NFKB1: variants seen among roughly 807,000 people sequenced by gnomAD.
NFKB1 encodes nuclear factor NF-kappa-B p105 subunit.
Under a neutral mutation model 105.1 loss-of-function variants are expected in NFKB1, and 9 were observed. That is an observed-to-expected ratio of 0.09 (90% CI 0.05 to 0.15). The LOEUF is 0.15. Among genes scored for constraint, NFKB1 ranks in the 10% least tolerant of loss-of-function variants. NFKB1 has a pLI of 1.00. For synonymous variants in NFKB1, 440 were observed against 442.2 expected (o/e 1.00, Z 0.06); for missense variants, 830 against 1,203.7 (o/e 0.69, Z 4.59).
chr4:102,612,016 C>T (rs370060038), intron 20 of NFKB1, 28 bp from the exon 21 acceptor site: 520 of 1,595,224 alleles, frequency 3.3e-4, no homozygotes, highest in Non-Finnish European at 4.1e-4. Flanking sequence ...CGATGTATAA[C>T]GATTTCTGGT....
chr4:102,577,710 T>A (rs1380392503), intron 7 of NFKB1: 1 of 432,594 alleles, frequency 2.3e-6, no homozygotes. Flanking sequence ...TACTCCATCT[T>A]CTGATACCCA....
chr4:102,606,544 G>T lies in NFKB1; in HGVS notation c.1801G>T (p.Asp601Tyr). The change falls in exon 17 of 24, where the codon GAT becomes TAT. Residue 601 changes from aspartate (D) to tyrosine (Y), a missense_variant. Coordinates refer to ENST00000226574, the MANE Select transcript of NFKB1 (RefSeq NM_003998.4). ...CACTAAGCAGGAAGATGTGGTGGAG[G>T]ATTTGCTGAGGGCTGGGGCCGACCT... is the stretch of plus-strand genomic sequence containing the variant. ...VITKQEDVVEDLLRAGADLSL... is the reference protein window; with the variant it reads ...VITKQEDVVEYLLRAGADLSL... The T allele has an allele frequency of 6.2e-7, 1 of 1,614,178 alleles. No homozygotes were observed. Among genetic ancestry groups the T allele is most frequent in the Non-Finnish European group, 8.5e-7 (1 of 1,180,032 alleles).
intron 7 of NFKB1, 167 bp from the exon 8 acceptor site, chr4:102,578,714 G>A (rs1725068125): frequency 1.7e-6 from 1 of 601,640 alleles, no homozygotes. Flanking sequence ...CATATTGGAT[G>A]ACATAAATGA....
chr4:102,598,465 T>G (rs1479179641), intron 15 of NFKB1, among the ~76,000 whole-genome samples: 1 of 152,168 alleles, frequency 6.6e-6, no homozygotes, highest in African/African-American at 2.4e-5. Context: ...TGTTTTAGAC[T>G]TCAGTTTAAA....
chr4:102,531,953 T>G (rs896218498), intron 3 of NFKB1, among the ~76,000 whole-genome samples: 10 of 152,234 alleles, frequency 6.6e-5, no homozygotes, highest in Admixed American at 1.3e-4. Flanking sequence ...TTCACCATTT[T>G]AACAGGGAAT....
chr4:102,582,161 G>A (rs1242800314), intron 9 of NFKB1, among the ~76,000 whole-genome samples: 1 of 152,084 alleles, frequency 6.6e-6, no homozygotes, highest in Non-Finnish European at 1.5e-5. Context: ...TTAATTAGAA[G>A]GGACCTGATT....
At chr4:102,580,725 C>T in intron 9 of NFKB1, 86 bp downstream of exon 9, 1 of 1,067,894 alleles carries the variant, frequency 9.4e-7, no homozygotes, top group East Asian at 2.6e-5. Context: ...CACATTTCAG[C>T]AGTGGACAAG....
chr4:102,537,364 A>G lies in NFKB1; in HGVS notation c.160-494A>G, dbSNP rs1305566841. On this transcript the variant is annotated intron_variant, in intron 4 of 23. Coordinates refer to ENST00000226574, the MANE Select transcript of NFKB1 (RefSeq NM_003998.4). ...CAGGGTCTAGCACAGGGTGTGTTCTACAACGCTGAAACAGTATATCTAAAT... is the reference window on the plus strand; with the variant it reads ...CAGGGTCTAGCACAGGGTGTGTTCTGCAACGCTGAAACAGTATATCTAAAT... Among the ~76,000 whole-genome samples the G allele has an allele frequency of 2.0e-5, 3 of 152,216 alleles. No individual in the cohort carries two copies. The East Asian group carries it at 5.8e-4, about 29-fold the overall frequency.
chr4:102,559,780 G>GA (rs1025120748), intron 5 of NFKB1, among the ~76,000 whole-genome samples: 53 of 149,022 alleles, frequency 3.6e-4, no homozygotes, highest in Admixed American at 2.7e-4. Context: ...TGTCTATATG[G>GA]AAAAAAAAAT....
intron 5 of NFKB1, among the ~76,000 whole-genome samples, chr4:102,554,737 T>A (rs1013556703): frequency 6.6e-6 from 1 of 152,120 alleles, no homozygotes; most frequent in Non-Finnish European, 1.5e-5. Context: ...TGGTGGTGAA[T>A]GTGAGATCAC....
Position 102,517,526 on chromosome 4 carries a change from A to G in NFKB1, c.-7-7986A>G, listed in dbSNP as rs544922818. 2.6e-5 allele frequency among the ~76,000 whole-genome samples: 4 copies of G among 152,358 alleles called. No individual in the cohort carries two copies. The South Asian group carries it at 8.3e-4, about 32-fold the overall frequency. On this transcript the variant is annotated intron_variant, in intron 1 of 23. Coordinates refer to ENST00000226574, the MANE Select transcript of NFKB1 (RefSeq NM_003998.4). ...GCCAATACAAAAAAGCAAAACTCCC[A>G]TCTCTACTTTTTAGGAACTTCTATC...
chr4:102,612,360 G>A, intron 21 of NFKB1, 74 bp from the exon 22 acceptor site: 1 of 1,488,844 alleles, frequency 6.7e-7, no homozygotes, highest in Admixed American at 1.8e-5. Flanking sequence ...CAGCAAGCCA[G>A]GCAGCAATGA....
chr4:102,562,482 T>C (rs1723523448), intron 5 of NFKB1, among the ~76,000 whole-genome samples: 1 of 152,200 alleles, frequency 6.6e-6, no homozygotes, highest in Admixed American at 6.5e-5. Flanking sequence ...TAGGACGGGC[T>C]TTAAATACTC....
intron 1 of NFKB1, among the ~76,000 whole-genome samples, chr4:102,515,457 GTAAT>G (rs1439091035): frequency 2.6e-5 from 4 of 152,040 alleles, no homozygotes; most frequent in Non-Finnish European, 5.9e-5. Flanking sequence ...TCTCATCTTG[GTAAT>G]TAATTATCTA....
At chr4:102,598,553 G>A (rs547513496) in intron 15 of NFKB1, among the ~76,000 whole-genome samples, 9 of 152,286 alleles carry the variant, frequency 5.9e-5, no homozygotes, top group Admixed American at 3.9e-4. Flanking sequence ...TCCTTGCAAC[G>A]TAACCAAGGA....
chr4:102,580,936 C>G lies in NFKB1; in HGVS notation c.835+297C>G, dbSNP rs929931993. The stretch of plus-strand genomic sequence containing the variant: ...TTATACATTAAAATTAATATCTGTA[C>G]TTTGTTAAACAAAAATAAATAATAG... On this transcript the variant is annotated intron_variant, in intron 9 of 23. Transcript: ENST00000226574. Among the ~76,000 whole-genome samples, 9 of 152,170 alleles carry G rather than the reference C, an allele frequency of 5.9e-5. 1 individual carries two copies. Among genetic ancestry groups the G allele is most frequent in the Admixed American group, 5.9e-4 (9 of 15,270 alleles).
At chr4:102,518,588 T>TA (rs1313654856) in intron 1 of NFKB1, among the ~76,000 whole-genome samples, 2 of 151,890 alleles carry the variant, frequency 1.3e-5, no homozygotes, top group Admixed American at 6.6e-5. Context: ...TTTGTTGCAT[T>TA]AAAAAAAAGG....
chr4:102,510,033 CCA>C (rs1045762647), intron 1 of NFKB1, among the ~76,000 whole-genome samples: 3 of 152,166 alleles, frequency 2.0e-5, no homozygotes, highest in African/African-American at 4.8e-5. Flanking sequence ...AGTTTCCTAT[CCA>C]CAGTTTCTGA....
At chr4:102,536,698 C>T (rs377527440) in intron 4 of NFKB1, among the ~76,000 whole-genome samples, 1 of 151,998 alleles carries the variant, frequency 6.6e-6, no homozygotes, top group South Asian at 2.1e-4. Context: ...GGGAGTGAAC[C>T]CCCACCAGCA....
Sources: gnomAD v4.1 joint callset for allele counts (sites outside exome capture counted in the v4.1 genomes callset) on GRCh38, gnomAD v4.1.1 for gene constraint, MANE v1.5 for transcripts, NCBI Gene and HGNC (gene_info 2026-07-23, HGNC 2026-07-21) for gene names.